The following MACROD2 variants were observed in gnomAD, a reference collection of about 807,000 sequenced individuals.
MACROD2 encodes the protein ADP-ribose glycohydrolase MACROD2.
A neutral mutation model predicts 70.4 loss-of-function variants in MACROD2; 36 were observed. The ratio of observed to expected loss-of-function variants is 0.51; its 90% CI spans 0.39 to 0.68. MACROD2 has a LOEUF of 0.68. Ranked by LOEUF, MACROD2 falls within the 30% of genes least tolerant of loss-of-function variation. The pLI, the probability that MACROD2 is intolerant of heterozygous loss-of-function variation, is 0.00. For synonymous variants in MACROD2, 172 were observed against 178.8 expected, an observed-to-expected ratio of 0.96 and a Z score of 0.30; for missense variants, 496 against 538.4, an observed-to-expected ratio of 0.92 and a Z score of 0.78.
intron 8 of MACROD2, among the ~76,000 whole-genome samples, chr20:15,816,983 A>G (rs1568577104): frequency 6.6e-6 from 1 of 152,236 alleles, no homozygotes; most frequent in Non-Finnish European, 1.5e-5. Context: ...CCACGCACAA[A>G]AAAAAACGAT....
chr20:14,522,132 A>G (rs1347326756), intron 4 of MACROD2, among the ~76,000 whole-genome samples: 1 of 152,166 alleles, frequency 6.6e-6, no homozygotes, highest in Non-Finnish European at 1.5e-5. Context: ...TCTGGTTTAC[A>G]TATTCATCTT....
At chr20:14,263,126 T>C (rs1186065757) in intron 3 of MACROD2, among the ~76,000 whole-genome samples, 5 of 152,102 alleles carry the variant, frequency 3.3e-5, no homozygotes, top group Admixed American at 3.3e-4. Context: ...GGAATGCACC[T>C]TTTTTTGATA....
At chr20:14,119,516 G>A (rs1419554228) in intron 3 of MACROD2, among the ~76,000 whole-genome samples, 1 of 152,022 alleles carries the variant, frequency 6.6e-6, no homozygotes, top group Non-Finnish European at 1.5e-5. Context: ...CACTGTTGGT[G>A]CTTCAAGTGT....
intron 4 of MACROD2, among the ~76,000 whole-genome samples, chr20:14,577,871 A>C (rs1028442814): frequency 2.1e-5 from 3 of 143,030 alleles, no homozygotes; most frequent in African/African-American, 7.6e-5. Context: ...TTCAAGTTAG[A>C]ATTCAGAAAA....
chr20:14,360,899 A>T (rs1413420774), intron 3 of MACROD2, among the ~76,000 whole-genome samples: 1 of 152,224 alleles, frequency 6.6e-6, no homozygotes, highest in African/African-American at 2.4e-5. Context: ...AATTTCTAGC[A>T]GAAGTCTTGG....
intron 12 of MACROD2, among the ~76,000 whole-genome samples, chr20:15,957,777 G>A (rs1449087466): frequency 6.6e-6 from 1 of 152,134 alleles, no homozygotes; most frequent in Non-Finnish European, 1.5e-5. Flanking sequence ...CTCCCAACAC[G>A]GTGGCCATCA....
intron 8 of MACROD2, among the ~76,000 whole-genome samples, chr20:15,814,974 AG>A (rs1292248671): frequency 6.9e-6 from 1 of 144,580 alleles, no homozygotes; most frequent in Non-Finnish European, 1.5e-5. Flanking sequence ...CAGAATATGT[AG>A]TGTTTGCAAC....
At chr20:14,085,861 G>T (rs1460263392) in intron 3 of MACROD2, 133 bp downstream of exon 3, 4 of 510,906 alleles carry the variant, frequency 7.8e-6, no homozygotes, top group South Asian at 4.6e-5. Flanking sequence ...TTCTCTTCTT[G>T]ATTAAAAACA....
chr20:14,762,883 T>C (rs964833502), intron 5 of MACROD2, among the ~76,000 whole-genome samples: 1 of 151,986 alleles, frequency 6.6e-6, no homozygotes, highest in African/African-American at 2.4e-5. Flanking sequence ...TGAGCTGAGA[T>C]TGCGCCACTG....
chr20:14,090,223 G>A (rs11699117), intron 3 of MACROD2, among the ~76,000 whole-genome samples: 3,559 of 152,178 alleles, frequency 0.023, 41 homozygotes, highest in African/African-American at 0.03. Flanking sequence ...TTAATGAATA[G>A]ATTCATGTGA....
intron 3 of MACROD2, among the ~76,000 whole-genome samples, chr20:14,355,375 G>T (rs1400148740): frequency 2.0e-5 from 3 of 152,162 alleles, no homozygotes; most frequent in Non-Finnish European, 4.4e-5. Context: ...GAAATATGTT[G>T]CAAAGACCCC....
intron 7 of MACROD2, among the ~76,000 whole-genome samples, chr20:15,491,173 C>T (rs2047226796): frequency 6.6e-6 from 1 of 152,176 alleles, no homozygotes; most frequent in African/African-American, 2.4e-5. Flanking sequence ...GCCAGGTGTG[C>T]ATGCCAATGT....
At chr20:15,784,335 A>G (rs936762893) in intron 8 of MACROD2, among the ~76,000 whole-genome samples, 6 of 152,092 alleles carry the variant, frequency 3.9e-5, no homozygotes, top group African/African-American at 1.4e-4. Flanking sequence ...ATTTTTTTCT[A>G]CTTTTATTTT....
chr20:15,944,292 A>G (rs1360022932), intron 12 of MACROD2, among the ~76,000 whole-genome samples: 1 of 152,168 alleles, frequency 6.6e-6, no homozygotes, highest in African/African-American at 2.4e-5. Flanking sequence ...CACAAAAAAA[A>G]TAAGCAAAAG....
At chr20:16,036,171 A>G (rs1431558736) in intron 15 of MACROD2, among the ~76,000 whole-genome samples, 2 of 152,000 alleles carry the variant, frequency 1.3e-5, no homozygotes, top group Non-Finnish European at 2.9e-5. Context: ...CTCTGTACCT[A>G]TCATGTCACC....
chr20:14,728,491 G>C (rs1219445559), intron 5 of MACROD2, among the ~76,000 whole-genome samples: 1 of 152,118 alleles, frequency 6.6e-6, no homozygotes, highest in Non-Finnish European at 1.5e-5. Flanking sequence ...TTTAAAGTCT[G>C]TTTTGTCTTC....
At chr20:15,385,677 A>G (rs779637602) in intron 6 of MACROD2, among the ~76,000 whole-genome samples, 1 of 152,164 alleles carries the variant, frequency 6.6e-6, no homozygotes, top group Non-Finnish European at 1.5e-5. Flanking sequence ...GTGAATTGTT[A>G]TGGCTTTATT....
intron 8 of MACROD2, among the ~76,000 whole-genome samples, chr20:15,847,228 C>T (rs548215973): frequency 1.3e-5 from 2 of 152,160 alleles, no homozygotes; most frequent in East Asian, 1.9e-4. Flanking sequence ...ATAAATCATT[C>T]GGCTAAGCCC....
chr20:14,844,185 A>G (rs932859873), intron 5 of MACROD2, among the ~76,000 whole-genome samples: 7 of 151,700 alleles, frequency 4.6e-5, no homozygotes, highest in Admixed American at 3.9e-4. Flanking sequence ...TATTCTCTTC[A>G]TAGTAAGATA....
Sources: gnomAD v4.1 joint callset for allele counts (sites outside exome capture counted in the v4.1 genomes callset) on GRCh38, gnomAD v4.1.1 for gene constraint, MANE v1.5 for transcripts, NCBI Gene and HGNC (gene_info 2026-07-23, HGNC 2026-07-21) for gene names.